Variants in EYS observed in about 807,000 individuals in gnomAD.
EYS encodes EGF-like photoreceptor maintenance factor, also known as protein eyes shut homolog.
Under a neutral mutation model 282.1 loss-of-function variants are expected in EYS, and 250 were observed. The observed-to-expected ratio is 0.89, with a 90% CI of 0.80 to 0.98. EYS has a LOEUF of 0.98. EYS is among the 50% of genes least tolerant of loss of function. EYS has a pLI of 0.00. For missense variants in EYS, 4,016 were observed against 3,709.0 expected (o/e 1.08, Z -2.15); for synonymous variants, 1,355 against 1,282.9 (o/e 1.06, Z -1.20).
intron 22 of EYS, among the ~76,000 whole-genome samples, chr6:64,735,756 A>T (rs544746367): frequency 6.6e-6 from 1 of 152,252 alleles, no homozygotes; most frequent in Non-Finnish European, 1.5e-5. Flanking sequence ...TTTGACATAA[A>T]TGTAGTTTGG....
At chr6:65,427,389 CA>C (rs762639618) in intron 5 of EYS, among the ~76,000 whole-genome samples, 1 of 149,382 alleles carries the variant, frequency 6.7e-6, no homozygotes, top group Non-Finnish European at 1.5e-5. Context: ...TTAAATTTTT[CA>C]AAATACAGAT....
chr6:65,281,035 CAA>C (rs35633005), intron 12 of EYS, among the ~76,000 whole-genome samples: 1 of 101,992 alleles, frequency 9.8e-6, no homozygotes, highest in Non-Finnish European at 1.8e-5. Context: ...GATGCCATCT[CAA>C]AAAAAAAAAA....
intron 36 of EYS, among the ~76,000 whole-genome samples, chr6:63,833,797 G>A (rs1014941289): frequency 6.6e-6 from 1 of 151,866 alleles, no homozygotes; most frequent in Non-Finnish European, 1.5e-5. Context: ...TCACGCTACA[G>A]GACTTCAAAC....
intron 40 of EYS, 33 bp downstream of exon 40, chr6:63,777,973 T>C (rs1354243897): frequency 6.5e-7 from 1 of 1,546,108 alleles, no homozygotes; most frequent in Non-Finnish European, 8.8e-7. Context: ...GCAAACAACC[T>C]GCTACTTTCA....
intron 2 of EYS, among the ~76,000 whole-genome samples, chr6:65,588,148 A>G (rs553072994): frequency 2.1e-4 from 32 of 152,078 alleles, no homozygotes; most frequent in Non-Finnish European, 2.2e-4. Flanking sequence ...TTAGATAATG[A>G]AATTTCCTGC....
chr6:65,117,153 G>A (rs1344775370), intron 12 of EYS, among the ~76,000 whole-genome samples: 3 of 152,148 alleles, frequency 2.0e-5, no homozygotes, highest in African/African-American at 7.2e-5. Context: ...AAGCTTTTGA[G>A]GTCACAGGTT....
intron 33 of EYS, among the ~76,000 whole-genome samples, chr6:64,052,331 T>A (rs1454557530): frequency 6.6e-6 from 1 of 152,172 alleles, no homozygotes; most frequent in Non-Finnish European, 1.5e-5. Context: ...TTAAAGCAAC[T>A]GTTTGCTCAA....
At chr6:65,387,524 AATT>A (rs1347346780) in intron 7 of EYS, among the ~76,000 whole-genome samples, 4 of 151,892 alleles carry the variant, frequency 2.6e-5, no homozygotes, top group Admixed American at 2.0e-4. Context: ...TAACAGTAAA[AATT>A]ATTACTGTAT....
chr6:65,059,745 G>T (rs993556174), intron 12 of EYS, among the ~76,000 whole-genome samples: 2 of 152,124 alleles, frequency 1.3e-5, no homozygotes, highest in Admixed American at 1.3e-4. Context: ...ACCTCAGGAA[G>T]AAACCTGTTT....
intron 13 of EYS, among the ~76,000 whole-genome samples, chr6:65,025,707 T>A (rs1772387857): frequency 6.6e-6 from 1 of 152,060 alleles, no homozygotes; most frequent in South Asian, 2.1e-4. Context: ...GAGTGAGACA[T>A]CATCTCAAAA....
intron 4 of EYS, among the ~76,000 whole-genome samples, chr6:65,492,210 A>T (rs1766071374): frequency 6.6e-6 from 1 of 152,178 alleles, no homozygotes; most frequent in Admixed American, 6.5e-5. Context: ...CAAATGGAGT[A>T]TTCTTAATGT....
At chr6:64,582,437 G>A (rs1438199740) in intron 26 of EYS, among the ~76,000 whole-genome samples, 2 of 152,146 alleles carry the variant, frequency 1.3e-5, no homozygotes, top group Non-Finnish European at 2.9e-5. Flanking sequence ...TGTCTTCCAC[G>A]AAACTGGTCC....
intron 22 of EYS, among the ~76,000 whole-genome samples, chr6:64,700,089 C>A (rs1035698578): frequency 2.1e-4 from 32 of 151,892 alleles, no homozygotes; most frequent in African/African-American, 7.5e-4. Flanking sequence ...ATACACAAAT[C>A]AATAAATGTG....
At chr6:64,605,131 A>G (rs1766882664) in intron 24 of EYS, among the ~76,000 whole-genome samples, 1 of 151,976 alleles carries the variant, frequency 6.6e-6, no homozygotes, top group Non-Finnish European at 1.5e-5. Context: ...TATTGAAAAC[A>G]TGGTGAGAAA....
At chr6:65,490,925 TA>T (rs1383529509) in intron 4 of EYS, among the ~76,000 whole-genome samples, 1 of 152,120 alleles carries the variant, frequency 6.6e-6, no homozygotes, top group Admixed American at 6.6e-5. Flanking sequence ...AATATCCAAA[TA>T]TTTTTTCTGG....
chr6:64,000,885 G>A (rs1768066820), intron 33 of EYS, among the ~76,000 whole-genome samples: 1 of 152,100 alleles, frequency 6.6e-6, no homozygotes, highest in Admixed American at 6.5e-5. Flanking sequence ...CGGTGGCTCA[G>A]GCCTGTAATG....
chr6:64,227,676 A>G (rs9362608), intron 31 of EYS, among the ~76,000 whole-genome samples: 46,922 of 151,836 alleles, frequency 0.31, 7,271 homozygotes, highest in East Asian at 0.5. Flanking sequence ...TCAGTGTAGC[A>G]TCTGGTAAAT....
intron 31 of EYS, among the ~76,000 whole-genome samples, chr6:64,108,793 C>T (rs1041685835): frequency 6.6e-6 from 1 of 151,978 alleles, no homozygotes; most frequent in Non-Finnish European, 1.5e-5. Context: ...GTTATTGGAC[C>T]CCATCATCCC....
In EYS at chr6:65,344,091, C is replaced by A. The variant is rs577044383; in HGVS notation, c.1546G>T (p.Asp516Tyr). ...CATGAAGAATTATTATCTTCAGGAT[C>A]GTTCACATAGGTTGCATCTTCAGTG... ...NCTEDATYVN[D>Y]PEDNNSSCWF... Residue 516 changes from aspartate (D) to tyrosine (Y), a missense_variant, in exon 10 of 43, where the codon GAT (aspartate) becomes TAT (tyrosine). Coordinates refer to ENST00000503581, the MANE Select transcript of EYS (RefSeq NM_001142800.2). The A allele has an allele frequency of 3.7e-6, 6 of 1,610,482 alleles. No homozygotes were observed. In the Admixed American group the frequency reaches 1.0e-4, roughly 27 times the overall value.
Sources: gnomAD v4.1 joint callset for allele counts (sites outside exome capture counted in the v4.1 genomes callset) on GRCh38, gnomAD v4.1.1 for gene constraint, MANE v1.5 for transcripts, NCBI Gene and HGNC (gene_info 2026-07-23, HGNC 2026-07-21) for gene names.